Variants in DPYS observed in about 807,000 individuals in gnomAD.
The protein encoded by DPYS is dihydropyrimidine amidohydrolase.
DPYS carries 39 observed loss-of-function variants against 50.3 expected under a neutral mutation model. The observed-to-expected ratio is 0.78, with a 90% CI of 0.60 to 1.01. The LOEUF is 1.01. DPYS is among the 50% of genes least tolerant of loss of function. DPYS has a pLI of 0.00. For missense variants in DPYS, 659 were observed against 680.9 expected, an observed-to-expected ratio of 0.97 and a Z score of 0.36; for synonymous variants, 245 against 250.7, an observed-to-expected ratio of 0.98 and a Z score of 0.22.
At chr8:104,463,751 C>A (rs751809516) in intron 1 of DPYS, among the ~76,000 whole-genome samples, 1 of 152,174 alleles carries the variant, frequency 6.6e-6, no homozygotes, top group Non-Finnish European at 1.5e-5. Flanking sequence ...TATCATACAA[C>A]CAGTATTTAC....
At chr8:104,464,892 T>C (rs976885608) in intron 1 of DPYS, among the ~76,000 whole-genome samples, 5 of 152,238 alleles carry the variant, frequency 3.3e-5, no homozygotes, top group Admixed American at 6.5e-5. Flanking sequence ...ATTCAGTGCA[T>C]ATTACTTTTT....
At chr8:104,432,625 G>A (rs897900801) in intron 4 of DPYS, among the ~76,000 whole-genome samples, 1 of 152,172 alleles carries the variant, frequency 6.6e-6, no homozygotes, top group African/African-American at 2.4e-5. Context: ...GAATTGAGAA[G>A]GCAAATACAT....
intron 6 of DPYS, among the ~76,000 whole-genome samples, chr8:104,427,425 C>T (rs964325892): frequency 2.0e-5 from 3 of 151,312 alleles, no homozygotes; most frequent in Non-Finnish European, 4.4e-5. Flanking sequence ...ATTACAGCCA[C>T]GTGCCACCAT....
intron 7 of DPYS, chr8:104,421,096 C>T (rs1812523538): frequency 1.3e-5 from 2 of 152,130 alleles, no homozygotes; most frequent in Non-Finnish European, 2.9e-5. Context: ...AGAACTTACA[C>T]ATCAGGCTCT....
At chr8:104,401,916 CA>C (rs1811826863) in intron 7 of DPYS, among the ~76,000 whole-genome samples, 1 of 152,312 alleles carries the variant, frequency 6.6e-6, no homozygotes, top group Admixed American at 6.5e-5. Context: ...CCGCCTCCTG[CA>C]GAAGAGAAAA....
At chr8:104,397,340 G>GTTC (rs1811628332) in intron 7 of DPYS, among the ~76,000 whole-genome samples, 1 of 152,168 alleles carries the variant, frequency 6.6e-6, no homozygotes. Flanking sequence ...GACTAGGTTG[G>GTTC]TTTAGCTTCA....
At chr8:104,433,312 C>T (rs933527340) in intron 4 of DPYS, among the ~76,000 whole-genome samples, 4 of 152,188 alleles carry the variant, frequency 2.6e-5, no homozygotes, top group Non-Finnish European at 4.4e-5. Context: ...GATAGCCACA[C>T]GATTCTATTT....
At chr8:104,432,229 A>G (rs1227216754) in intron 4 of DPYS, among the ~76,000 whole-genome samples, 1 of 152,196 alleles carries the variant, frequency 6.6e-6, no homozygotes, top group African/African-American at 2.4e-5. Context: ...CAAACAAACA[A>G]AAGATTCTGC....
At chr8:104,384,980 T>C (rs1811166577) in intron 8 of DPYS, among the ~76,000 whole-genome samples, 1 of 152,312 alleles carries the variant, frequency 6.6e-6, no homozygotes, top group African/African-American at 2.4e-5. Context: ...CAGAGCTCTA[T>C]CTTAAGCCCC....
At chr8:104,389,444 T>C (rs1453302071) in intron 8 of DPYS, among the ~76,000 whole-genome samples, 1 of 152,206 alleles carries the variant, frequency 6.6e-6, no homozygotes, top group Non-Finnish European at 1.5e-5. Context: ...CCTCATTTCA[T>C]TTTATCCATT....
At chr8:104,404,676 C>T (rs1455964290) in intron 7 of DPYS, among the ~76,000 whole-genome samples, 2 of 151,838 alleles carry the variant, frequency 1.3e-5, no homozygotes, top group African/African-American at 4.9e-5. Flanking sequence ...AGGAGTCTGA[C>T]CTCAAATTTC....
intron 7 of DPYS, among the ~76,000 whole-genome samples, chr8:104,394,664 T>C (rs58581718): frequency 0.15 from 23,075 of 151,492 alleles, 2,037 homozygotes; most frequent in East Asian, 0.37. Flanking sequence ...CTTTTAAAAA[T>C]GAAGATCAGA....
chr8:104,390,602 A>G (rs560436220), intron 8 of DPYS, among the ~76,000 whole-genome samples: 38 of 151,430 alleles, frequency 2.5e-4, no homozygotes, highest in Non-Finnish European at 4.1e-4. Context: ...GGTTCAAGCT[A>G]TTCTCGTGCC....
chr8:104,428,163 G>C, intron 5 of DPYS, 42 bp from the exon 6 acceptor site: 13 of 1,613,086 alleles, frequency 8.1e-6, no homozygotes, highest in Non-Finnish European at 1.0e-5. Context: ...TGAGTATACA[G>C]AATATGTTAG....
intron 1 of DPYS, among the ~76,000 whole-genome samples, chr8:104,457,470 T>C (rs141923894): frequency 6.6e-6 from 1 of 152,316 alleles, no homozygotes; most frequent in East Asian, 1.9e-4. Flanking sequence ...ACTGGAGAAA[T>C]TGAAACTGTG....
intron 7 of DPYS, among the ~76,000 whole-genome samples, chr8:104,395,005 A>G (rs1398062654): frequency 6.6e-6 from 1 of 151,534 alleles, no homozygotes; most frequent in Admixed American, 6.6e-5. Flanking sequence ...TTTAATTTTT[A>G]GTTTTTGAGA....
chr8:104,430,619 G>C (rs965430734), intron 4 of DPYS, among the ~76,000 whole-genome samples: 1 of 152,168 alleles, frequency 6.6e-6, no homozygotes, highest in Non-Finnish European at 1.5e-5. Flanking sequence ...TTTCCTCAGA[G>C]AGTACTGACA....
chr8:104,463,613 A>G (rs1221496120), intron 1 of DPYS, among the ~76,000 whole-genome samples: 2 of 152,230 alleles, frequency 1.3e-5, no homozygotes, highest in Non-Finnish European at 2.9e-5. Flanking sequence ...CCTCAATTGT[A>G]AAAAAGTAGA....
chr8:104,424,462 T>C, intron 6 of DPYS, 73 bp from the exon 7 acceptor site: 1 of 1,498,646 alleles, frequency 6.7e-7, no homozygotes, highest in South Asian at 1.2e-5. Flanking sequence ...ATGACAAGAC[T>C]TGCATCTCTT....
Sources: gnomAD v4.1 joint callset for allele counts (sites outside exome capture counted in the v4.1 genomes callset) on GRCh38, gnomAD v4.1.1 for gene constraint, MANE v1.5 for transcripts, NCBI Gene and HGNC (gene_info 2026-07-23, HGNC 2026-07-21) for gene names.